Variants in CDH4 observed in about 807,000 individuals in gnomAD.
CDH4 encodes the protein cadherin 4.
In CDH4, 33 loss-of-function variants were observed where a neutral mutation model predicts 86.0. That is an observed-to-expected ratio of 0.38 (90% confidence interval 0.29 to 0.51). The LOEUF is 0.51. Ranked by LOEUF, CDH4 falls within the 20% of genes least tolerant of loss-of-function variation. The probability of loss-of-function intolerance (pLI) is 0.86; values close to 1 mark genes in which losing one functional copy is unlikely to be tolerated. For synonymous variants in CDH4, 555 were observed against 549.4 expected, an observed-to-expected ratio of 1.01 and a Z score of -0.14; for missense variants, 1,114 against 1,307.4, an observed-to-expected ratio of 0.85 and a Z score of 2.28.
chr20:61,485,613 C>T (rs2085591892), intron 2 of CDH4, among the ~76,000 whole-genome samples: 1 of 152,206 alleles, frequency 6.6e-6, no homozygotes, highest in South Asian at 2.1e-4. Flanking sequence ...GAGGGTGGCT[C>T]ATTGACCTCT....
intron 2 of CDH4, among the ~76,000 whole-genome samples, chr20:61,734,446 A>G (rs1354339860): frequency 6.6e-6 from 1 of 152,212 alleles, no homozygotes; most frequent in Non-Finnish European, 1.5e-5. Flanking sequence ...AAAGAAAAGC[A>G]CCGTGGCAGT....
At chr20:61,587,156 C>A (rs1171500747) in intron 2 of CDH4, among the ~76,000 whole-genome samples, 1 of 152,146 alleles carries the variant, frequency 6.6e-6, no homozygotes, top group African/African-American at 2.4e-5. Flanking sequence ...CCAAGAGAGC[C>A]CAGTGGGGAG....
chr20:61,693,246 T>C (rs2087678671), intron 2 of CDH4, among the ~76,000 whole-genome samples: 1 of 152,064 alleles, frequency 6.6e-6, no homozygotes, highest in Non-Finnish European at 1.5e-5. Context: ...TGAAGGCCAG[T>C]GCAGGGGGCC....
chr20:61,927,154 G>A (rs2055053630), intron 11 of CDH4, among the ~76,000 whole-genome samples: 3 of 152,244 alleles, frequency 2.0e-5, no homozygotes, highest in Admixed American at 2.0e-4. Flanking sequence ...ATTTTTACAT[G>A]GTTCGCCTGC....
At chr20:61,711,360 C>A (rs1266376631) in intron 2 of CDH4, among the ~76,000 whole-genome samples, 2 of 152,210 alleles carry the variant, frequency 1.3e-5, no homozygotes, top group Non-Finnish European at 2.9e-5. Flanking sequence ...TCAGATATTT[C>A]CATATAGCGA....
chr20:61,407,101 C>A (rs1367566934), intron 2 of CDH4, among the ~76,000 whole-genome samples: 1 of 152,202 alleles, frequency 6.6e-6, no homozygotes, highest in East Asian at 1.9e-4. Flanking sequence ...GATGTCTCTA[C>A]TGTCCCCACC....
At chr20:61,891,136 A>C (rs1284407478) in intron 7 of CDH4, among the ~76,000 whole-genome samples, 2 of 152,170 alleles carry the variant, frequency 1.3e-5, no homozygotes, top group Non-Finnish European at 2.9e-5. Context: ...TGCACAGTGC[A>C]GACAGGGCGC....
At chr20:61,354,840 C>A (rs139511032) in intron 2 of CDH4, among the ~76,000 whole-genome samples, 8 of 152,272 alleles carry the variant, frequency 5.3e-5, no homozygotes, top group African/African-American at 1.9e-4. Flanking sequence ...GGTGCAGGAG[C>A]GGCTGGAGAG....
chr20:61,929,783 C>G lies in CDH4; in HGVS notation c.2180C>G (p.Ala727Gly). Residue 727 changes from alanine to glycine, a missense_variant, in exon 13 of 16, where the codon GCG becomes GGG. Transcript: ENST00000614565. The stretch of plus-strand genomic sequence containing the variant: ...TGCACCACCATTGGCGCAGTGGCAG[C>G]GGCTGGTCTGGGCACCGGTGCCATC... ...GDCTTIGAVA[A>G]AGLGTGAIVA... The G allele has an allele frequency of 2.5e-6, 4 of 1,614,110 alleles. No individual in the cohort carries two copies. Among genetic ancestry groups the G allele is most frequent in the Non-Finnish European group, 3.4e-6 (4 of 1,180,044 alleles).
chr20:61,305,485 T>C (rs2123212939), intron 2 of CDH4, among the ~76,000 whole-genome samples: 2 of 152,368 alleles, frequency 1.3e-5, no homozygotes, highest in Middle Eastern at 6.8e-3. Context: ...ACCACACTTT[T>C]GCAGCAAGAC....
At chr20:61,712,091 G>A (rs1600900994) in intron 2 of CDH4, among the ~76,000 whole-genome samples, 1 of 152,172 alleles carries the variant, frequency 6.6e-6, no homozygotes, top group Non-Finnish European at 1.5e-5. Context: ...AGCCAGACAT[G>A]GTGGTGCAGG....
rs372975001 is a variant in CDH4 at position 61,501,958 on chromosome 20, G to A, written c.170-241605G>A. Among the ~76,000 whole-genome samples the A allele has an allele frequency of 5.5e-4, 83 of 152,290 alleles. No homozygotes were observed. The highest frequency in any genetic ancestry group is 1.8e-3 in the African/African-American group (76 of 41,550). On this transcript the variant is annotated intron_variant, in intron 2 of 15. Transcript: ENST00000614565. This position sits in a 1 kb window ranked among gnomAD's most constrained non-coding sequence, Gnocchi z 4.2. ...GACCCCGTGTAAAGTAAGATGAACC[G>A]AGTGGGCACGTTAGCCCAGGCCGTT... is the stretch of plus-strand genomic sequence containing the variant.
At chr20:61,536,043 A>C (rs922739911) in intron 2 of CDH4, among the ~76,000 whole-genome samples, 1 of 151,928 alleles carries the variant, frequency 6.6e-6, no homozygotes, top group Non-Finnish European at 1.5e-5. Flanking sequence ...TGGCATTAGG[A>C]GTGCCCCCGG....
At chr20:61,649,154 G>A (rs753662064) in intron 2 of CDH4, among the ~76,000 whole-genome samples, 2 of 152,334 alleles carry the variant, frequency 1.3e-5, no homozygotes, top group East Asian at 3.9e-4. Context: ...ACCTGCACAC[G>A]TGTGTCTGCC....
intron 2 of CDH4, among the ~76,000 whole-genome samples, chr20:61,565,104 T>TTGGTGGTGGTGGTGGTGG (rs1454326817): frequency 1.9e-5 from 1 of 52,056 alleles, no homozygotes; most frequent in Non-Finnish European, 3.9e-5. Context: ...GGTGGTGCTC[T>TTGGTGGTGGTGGTGGTGG]TGGTGGTGCT....
chr20:61,524,997 G>A (rs2085900069), intron 2 of CDH4, among the ~76,000 whole-genome samples: 1 of 152,134 alleles, frequency 6.6e-6, no homozygotes, highest in Non-Finnish European at 1.5e-5. Flanking sequence ...AGACCTGTGT[G>A]GGACCCACCA....
At chr20:61,549,497 G>A (rs1157909302) in intron 2 of CDH4, among the ~76,000 whole-genome samples, 1 of 152,236 alleles carries the variant, frequency 6.6e-6, no homozygotes, top group Non-Finnish European at 1.5e-5. Flanking sequence ...GGTTTAGGGG[G>A]CAGGATGCTA....
intron 4 of CDH4, among the ~76,000 whole-genome samples, chr20:61,835,370 C>T (rs1466526288): frequency 6.6e-6 from 1 of 152,168 alleles, no homozygotes; most frequent in Non-Finnish European, 1.5e-5. Context: ...GGCCAGTGTT[C>T]TTAATAATAA....
rs1006447508 is a variant in CDH4, at chr20:61,713,800, G to A, written c.170-29763G>A. On this transcript the variant is annotated intron_variant, in intron 2 of 15. Coordinates refer to ENST00000614565, the MANE Select transcript of CDH4 (RefSeq NM_001794.5). The stretch of plus-strand genomic sequence containing the variant: ...CCTCAAAATGGAAAGTTAGAAAGCA[G>A]CCCCTACGTGGTTACTGAGACTACT... Among the ~76,000 whole-genome samples the A allele has an allele frequency of 3.9e-5, 6 of 152,284 alleles. No individual in the cohort carries two copies. In the South Asian group the frequency reaches 1.0e-3, roughly 26 times the overall value.
Sources: allele counts gnomAD v4.1 joint callset (sites outside exome capture counted in the v4.1 genomes callset), GRCh38; gene constraint gnomAD v4.1.1; non-coding constraint Gnocchi (gnomAD v3.1); transcripts MANE v1.5; gene names NCBI Gene and HGNC (gene_info 2026-07-23, HGNC 2026-07-21).